The following CYP24A1 variants were observed in gnomAD, a reference collection of about 807,000 sequenced individuals.
The protein encoded by CYP24A1 is cytochrome P450 family 24 subfamily A member 1, also known as 1,25-dihydroxyvitamin D(3) 24-hydroxylase, mitochondrial.
A neutral mutation model predicts 62.4 loss-of-function variants in CYP24A1; 68 were observed. The ratio of observed to expected loss-of-function variants is 1.09; its 90% CI spans 0.90 to 1.33. The LOEUF is 1.33. Ranked by LOEUF, CYP24A1 falls within the 40% of genes most tolerant of loss-of-function variation. The pLI, the probability that CYP24A1 is intolerant of heterozygous loss-of-function variation, is 0.00. For synonymous variants in CYP24A1, 267 were observed against 253.0 expected (o/e 1.06, Z -0.52); for missense variants, 787 against 653.0 (o/e 1.21, Z -2.24).
the CYP24A1 span, among the ~76,000 whole-genome samples, chr20:54,145,818 C>T: frequency 1.3e-5 from 2 of 152,182 alleles, no homozygotes; most frequent in Admixed American, 6.5e-5. Context: ...CCACAGGCTC[C>T]GCCACACTTA....
chr20:54,169,486 C>G, intron 4 of CYP24A1, 106 bp downstream of exon 4: 1 of 1,580,728 alleles, frequency 6.3e-7, no homozygotes, highest in Non-Finnish European at 8.6e-7. Flanking sequence ...CTGGCCTTTC[C>G]CTAGGCAGCA....
intron 4 of CYP24A1, among the ~76,000 whole-genome samples, chr20:54,166,689 T>A (rs2092673248): frequency 6.6e-6 from 1 of 152,106 alleles, no homozygotes; most frequent in Admixed American, 6.5e-5. Context: ...CATTTTAAAA[T>A]GTTCCCCATT....
At chr20:54,152,432 C>T (rs551453205), downstream of CYP24A1, among the ~76,000 whole-genome samples, 6 of 152,348 alleles carry the variant, frequency 3.9e-5, no homozygotes, top group African/African-American at 1.4e-4. Context: ...GCTGTCCCCA[C>T]AGTCGCACAG....
intron 9 of CYP24A1, 22 bp downstream of exon 9, chr20:54,158,064 A>G: frequency 6.2e-7 from 1 of 1,612,830 alleles, no homozygotes; most frequent in Non-Finnish European, 8.5e-7. Flanking sequence ...TGTAAGGTAT[A>G]GAATATACAA....
intron 6 of CYP24A1, 90 bp downstream of exon 6, chr20:54,164,362 C>T: frequency 1.2e-6 from 2 of 1,608,430 alleles, no homozygotes; most frequent in Non-Finnish European, 8.5e-7. Flanking sequence ...GGTGATGAGG[C>T]TCAGGAGATC....
chr20:54,169,000 C>A (rs895068543), intron 4 of CYP24A1, among the ~76,000 whole-genome samples: 3 of 151,928 alleles, frequency 2.0e-5, no homozygotes, highest in African/African-American at 7.3e-5. Context: ...CGGGGTCAAG[C>A]AATCCTCCCA....
the CYP24A1 span, among the ~76,000 whole-genome samples, chr20:54,144,238 G>T: frequency 0.19 from 28,434 of 147,884 alleles, 3,123 homozygotes; most frequent in East Asian, 0.3. Context: ...TTTAGACAAG[G>T]TCTCACTCTT....
intron 3 of CYP24A1, among the ~76,000 whole-genome samples, 192 bp from the exon 4 acceptor site, chr20:54,169,880 G>A (rs2092688282): frequency 6.6e-6 from 1 of 152,118 alleles, no homozygotes; most frequent in Non-Finnish European, 1.5e-5. Context: ...CCTCGTCCTG[G>A]GTTATTTCCT....
chr20:54,162,492 C>T, intron 7 of CYP24A1: 5 of 544,096 alleles, frequency 9.2e-6, no homozygotes, highest in East Asian at 3.1e-5. Flanking sequence ...GAAGCCCGTG[C>T]ATGGAGGCAC....
intron 4 of CYP24A1, 32 bp downstream of exon 4, chr20:54,169,560 A>T: frequency 6.2e-7 from 1 of 1,613,932 alleles, no homozygotes; most frequent in Non-Finnish European, 8.5e-7. Flanking sequence ...TCACCTGCAA[A>T]ATCAGTGAGC....
At chr20:54,148,126 G>A in the CYP24A1 span, among the ~76,000 whole-genome samples, 2 of 152,026 alleles carry the variant, frequency 1.3e-5, no homozygotes, top group African/African-American at 4.8e-5. Context: ...ATGAGCCACT[G>A]TGCCCGGCCT....
At chr20:54,148,619 A>T (rs1308273570), downstream of CYP24A1, among the ~76,000 whole-genome samples, 1 of 152,234 alleles carries the variant, frequency 6.6e-6, no homozygotes, top group African/African-American at 2.4e-5. Flanking sequence ...GAAGTGCTCA[A>T]AAATGGTAAC....
downstream of CYP24A1, among the ~76,000 whole-genome samples, chr20:54,149,187 G>A (rs2092608931): frequency 6.6e-6 from 1 of 152,138 alleles, no homozygotes; most frequent in Admixed American, 6.5e-5. Context: ...AACCAATAAA[G>A]CTAGGCAAAT....
At chr20:54,146,464 A>C in the CYP24A1 span, among the ~76,000 whole-genome samples, 3 of 152,188 alleles carry the variant, frequency 2.0e-5, no homozygotes, top group African/African-American at 7.2e-5. Context: ...TGGTGTAGAG[A>C]GATCTGGGCC....
At chr20:54,170,837 C>A (rs192859344) in intron 3 of CYP24A1, among the ~76,000 whole-genome samples, 6 of 152,218 alleles carry the variant, frequency 3.9e-5, no homozygotes, top group African/African-American at 9.6e-5. Context: ...CATCTGGGGA[C>A]GCATCCAGTT....
intron 6 of CYP24A1, 40 bp downstream of exon 6, chr20:54,164,412 C>G (rs577760976): frequency 1.2e-6 from 2 of 1,613,594 alleles, no homozygotes; most frequent in African/African-American, 2.7e-5. Context: ...CACGGGGGTG[C>G]TGGGCTGGTT....
chr20:54,158,619 T>C (rs1449283337), intron 8 of CYP24A1, among the ~76,000 whole-genome samples: 1 of 152,238 alleles, frequency 6.6e-6, no homozygotes, highest in Non-Finnish European at 1.5e-5. Flanking sequence ...AAGCTTTCTC[T>C]GTGTCCTATT....
downstream of CYP24A1, among the ~76,000 whole-genome samples, chr20:54,152,746 G>A (rs182072216): frequency 4.6e-5 from 7 of 152,288 alleles, no homozygotes; most frequent in East Asian, 1.4e-3. Flanking sequence ...GATAGGGCCT[G>A]GAAGTGTGGA....
At chr20:54,167,932 C>T (rs1320933059) in intron 4 of CYP24A1, among the ~76,000 whole-genome samples, 12 of 152,210 alleles carry the variant, frequency 7.9e-5, no homozygotes, top group Admixed American at 7.2e-4. Flanking sequence ...CTGCTGAATA[C>T]ATTCCCGCAG....
Sources: gnomAD v4.1 joint callset for allele counts (sites outside exome capture counted in the v4.1 genomes callset) on GRCh38, gnomAD v4.1.1 for gene constraint, MANE v1.5 for transcripts, NCBI Gene and HGNC (gene_info 2026-07-23, HGNC 2026-07-21) for gene names.